Variants in NCAM1 observed in about 807,000 individuals in gnomAD.
The protein encoded by NCAM1 is antigen recognized by monoclonal antibody 5.1H11.
A neutral mutation model predicts 109.8 loss-of-function variants in NCAM1; 14 were observed. The observed-to-expected ratio is 0.13, with a 90% CI of 0.08 to 0.20. The LOEUF is 0.20. Ranked by LOEUF, NCAM1 falls within the 10% of genes least tolerant of loss-of-function variation. The pLI is 1.00. For synonymous variants in NCAM1, 418 were observed against 442.9 expected, an observed-to-expected ratio of 0.94 and a Z score of 0.70; for missense variants, 774 against 1,109.9, an observed-to-expected ratio of 0.70 and a Z score of 4.30.
intron 1 of NCAM1, among the ~76,000 whole-genome samples, chr11:113,117,047 G>A (rs1167487397): frequency 6.6e-6 from 1 of 151,868 alleles, no homozygotes; most frequent in African/African-American, 2.4e-5. Flanking sequence ...TAAATTACAT[G>A]TTTCTCTTTG....
In NCAM1 at chr11:113,277,593, C is replaced by T. The variant is rs1946423116; in HGVS notation, c.*2206C>T. 2.5e-6 allele frequency: 1 copy of T among 396,202 alleles called. No individual in the cohort carries two copies. The highest frequency in any genetic ancestry group is 3.6e-5 in the East Asian group (1 of 27,996). The allele number at this position is 396,202 out of a possible 1,614,324, so 24.5% of individuals were successfully genotyped here. A position where few individuals can be genotyped will look rare whatever the true frequency, so the allele number is the denominator to read the frequency against. On this transcript the variant is annotated 3_prime_UTR_variant, in exon 20 of 20. Transcript: ENST00000316851. ...GACTCAGTTCTTCATCTTGTAATGTCGATGGCTTTGCCACACCAGGCCAAG... is the reference window on the plus strand; with the variant it reads ...GACTCAGTTCTTCATCTTGTAATGTTGATGGCTTTGCCACACCAGGCCAAG...
At chr11:113,109,017 G>T (rs564780810) in intron 1 of NCAM1, among the ~76,000 whole-genome samples, 8 of 149,320 alleles carry the variant, frequency 5.4e-5, no homozygotes, top group African/African-American at 2.0e-4. Flanking sequence ...TTGGGCCACC[G>T]GGCCTGGCTC....
At chr11:113,173,214 C>T (rs1350012427) in intron 1 of NCAM1, among the ~76,000 whole-genome samples, 1 of 152,132 alleles carries the variant, frequency 6.6e-6, no homozygotes, top group Non-Finnish European at 1.5e-5. Flanking sequence ...CTCACAAAAC[C>T]ACAAAGCTTT....
At chr11:113,115,463 C>T in intron 1 of NCAM1, among the ~76,000 whole-genome samples, 1 of 152,130 alleles carries the variant, frequency 6.6e-6, no homozygotes, top group East Asian at 1.9e-4. Flanking sequence ...AATTTCTGAG[C>T]ATCCACATGA....
chr11:113,272,046 C>G (rs1178822487), intron 19 of NCAM1, among the ~76,000 whole-genome samples, 170 bp downstream of exon 19: 2 of 151,898 alleles, frequency 1.3e-5, no homozygotes, highest in African/African-American at 4.8e-5. Context: ...TGCCTGACCT[C>G]AGGCATTTCT....
At chr11:113,270,056 G>T in intron 17 of NCAM1, 132 bp from the exon 18 acceptor site, 1 of 812,034 alleles carries the variant, frequency 1.2e-6, no homozygotes, top group Non-Finnish European at 2.1e-6. Context: ...TCCCCAGGAA[G>T]GTGTCACTCT....
chr11:113,097,660 A>G (rs1939665896), intron 1 of NCAM1, among the ~76,000 whole-genome samples: 2 of 151,000 alleles, frequency 1.3e-5, no homozygotes, highest in South Asian at 4.2e-4. Context: ...TGTTTTTTAG[A>G]ACATACTTTA....
chr11:112,971,664 A>G (rs1282368765), intron 1 of NCAM1, among the ~76,000 whole-genome samples: 1 of 152,132 alleles, frequency 6.6e-6, no homozygotes, highest in East Asian at 1.9e-4. Flanking sequence ...TGTGCCCTAA[A>G]TATGGTACCT....
At chr11:112,988,195 T>C (rs7128705) in intron 1 of NCAM1, among the ~76,000 whole-genome samples, 22,261 of 152,146 alleles carry the variant, frequency 0.15, 1,689 homozygotes, top group African/African-American at 0.18. Context: ...CCCAGCCTTA[T>C]TTTACGTTTT....
chr11:113,049,962 T>C (rs553919984), intron 1 of NCAM1, among the ~76,000 whole-genome samples: 1 of 152,280 alleles, frequency 6.6e-6, no homozygotes, highest in South Asian at 2.1e-4. Context: ...ATTCAGGCAT[T>C]TGGCATGAGT....
chr11:113,207,197 T>C, intron 5 of NCAM1, 64 bp from the exon 6 acceptor site: 1 of 1,330,426 alleles, frequency 7.5e-7, no homozygotes, highest in Non-Finnish European at 1.1e-6. Flanking sequence ...TGGTGTCTCT[T>C]CTCCAGGCCA....
intron 1 of NCAM1, among the ~76,000 whole-genome samples, chr11:113,131,912 G>A (rs1941401843): frequency 6.6e-6 from 1 of 152,326 alleles, no homozygotes; most frequent in Admixed American, 6.5e-5. Flanking sequence ...AGGGAAGTAG[G>A]TTTGGAGGAC....
chr11:113,145,131 G>C (rs1375429072), intron 1 of NCAM1, among the ~76,000 whole-genome samples: 1 of 152,156 alleles, frequency 6.6e-6, no homozygotes, highest in African/African-American at 2.4e-5. Context: ...AGAAAAGATT[G>C]ACACTCATTC....
intron 14 of NCAM1, chr11:113,240,836 G>A (rs781803207): frequency 6.2e-7 from 1 of 1,612,876 alleles, no homozygotes; most frequent in Non-Finnish European, 8.5e-7. Flanking sequence ...ACCAGATAGT[G>A]AGTATCATTT....
At chr11:112,961,905 C>T (rs1300698782) in intron 1 of NCAM1, among the ~76,000 whole-genome samples, 1 of 152,118 alleles carries the variant, frequency 6.6e-6, no homozygotes, top group Admixed American at 6.5e-5. Flanking sequence ...CCGGCGCGTC[C>T]GCCCTTCCCA....
chr11:113,233,149 A>G lies in NCAM1; in HGVS notation c.1525A>G (p.Thr509Ala). The G allele has an allele frequency of 6.2e-7, 1 of 1,611,960 alleles. No individual in the cohort carries two copies. The highest frequency in any genetic ancestry group is 8.5e-7 in the Non-Finnish European group (1 of 1,179,530). ...CTCCATATGTGTCTTCCCCACAGACACCCCCTCTTCACCATCCATCGACCA... is the reference window on the plus strand; with the variant it reads ...CTCCATATGTGTCTTCCCCACAGACGCCCCCTCTTCACCATCCATCGACCA... ...SLEFILVQAD[T>A]PSSPSIDQVE... Residue 509 changes from threonine (T) to alanine (A), a missense_variant and splice_region_variant, in exon 13 of 20, where the codon ACC becomes GCC. Physicochemically the swap from Thr to Ala is moderately conservative, Grantham distance 58 (BLOSUM62 0). This residue lies in a region of NCAM1 where 523 missense variants were observed against 784.2 expected (regional missense o/e 0.67). Transcript: ENST00000316851. The surrounding 1 kb of genome is among the most constrained non-coding windows in gnomAD (Gnocchi z 4.5).
chr11:113,094,984 G>A (rs971754501), intron 1 of NCAM1, among the ~76,000 whole-genome samples: 3 of 152,148 alleles, frequency 2.0e-5, no homozygotes, highest in Non-Finnish European at 4.4e-5. Flanking sequence ...GGTTTTGAAT[G>A]ATTAATTATT....
In NCAM1 at chr11:113,233,734, C is replaced by T. The variant is rs74800050; in HGVS notation, c.1693+417C>T. On this transcript the variant is annotated intron_variant, in intron 13 of 19. Coordinates refer to ENST00000316851, the MANE Select transcript of NCAM1 (RefSeq NM_181351.5). This position sits in a 1 kb window ranked among gnomAD's most constrained non-coding sequence, Gnocchi z 4.5. ...ATATCTGTACTCAGGGACTGGCTGT[C>T]TTGTAATTGTGATAGTAACCAAATA... is the stretch of plus-strand genomic sequence containing the variant. Among the ~76,000 whole-genome samples, 2,140 of 152,304 alleles carry T rather than the reference C, an allele frequency of 0.014. 22 individuals are homozygous for T. The highest frequency in any genetic ancestry group is 0.024 in the Non-Finnish European group (1,612 of 68,016).
At chr11:112,982,019 C>T (rs1951167543) in intron 1 of NCAM1, among the ~76,000 whole-genome samples, 1 of 151,804 alleles carries the variant, frequency 6.6e-6, no homozygotes, top group Non-Finnish European at 1.5e-5. Context: ...GGCATCAAGC[C>T]CATTATGTGA....
Sources: gnomAD v4.1 joint callset for allele counts (sites outside exome capture counted in the v4.1 genomes callset) on GRCh38, gnomAD v4.1.1 for gene constraint, gnomAD v4.1.1 regional missense constraint, Gnocchi (gnomAD v3.1) non-coding constraint, MANE v1.5 for transcripts, NCBI Gene and HGNC (gene_info 2026-07-23, HGNC 2026-07-21) for gene names.